Variants in WAC observed in about 807,000 individuals in gnomAD.
WAC encodes WW domain-containing adapter protein with coiled-coil.
A neutral mutation model predicts 79.6 loss-of-function variants in WAC; 11 were observed. The ratio of observed to expected loss-of-function variants is 0.14; its 90% CI spans 0.09 to 0.23. The LOEUF (loss-of-function observed/expected upper bound fraction) is 0.23. Among genes scored for constraint, WAC ranks in the 10% least tolerant of loss-of-function variants. The pLI is 1.00. For synonymous variants in WAC, 304 were observed against 276.9 expected (o/e 1.10, Z -0.97); for missense variants, 728 against 773.5 (o/e 0.94, Z 0.70).
At chr10:28,598,757 C>G (rs1326180890) in intron 7 of WAC, among the ~76,000 whole-genome samples, 2 of 152,156 alleles carry the variant, frequency 1.3e-5, no homozygotes, top group Admixed American at 1.3e-4. Flanking sequence ...TATGTCAGTT[C>G]GGACGCTCGT....
At chr10:28,580,064 C>G (rs975922535) in intron 3 of WAC, among the ~76,000 whole-genome samples, 1 of 152,212 alleles carries the variant, frequency 6.6e-6, no homozygotes, top group Admixed American at 6.5e-5. Context: ...CTAAGTAAAT[C>G]TCCATAGAAT....
chr10:28,594,159 T>G (rs1220283282), intron 6 of WAC, among the ~76,000 whole-genome samples: 3 of 144,194 alleles, frequency 2.1e-5, no homozygotes, highest in Non-Finnish European at 4.7e-5. Flanking sequence ...CCTGTAATGC[T>G]GCTGCCCTTT....
Position 28,621,324 on chromosome 10 carries a change from C to T in WAC, c.*1718C>T, listed in dbSNP as rs1171329977. ...ATCAATGTCAATGTTACTACATTCT[C>T]GGATGCTAACATAAATTTTGAAATT... is the stretch of plus-strand genomic sequence containing the variant. On this transcript the variant is annotated 3_prime_UTR_variant, in exon 14 of 14. Coordinates refer to ENST00000354911, the MANE Select transcript of WAC (RefSeq NM_016628.5). 1 of 149,596 alleles carries T rather than the reference C, an allele frequency of 6.7e-6. No homozygotes were observed. Among genetic ancestry groups the T allele is most frequent in the South Asian group, 2.1e-4 (1 of 4,760 alleles). 9.3% of individuals were successfully genotyped at this position (149,596 alleles called of 1,614,324 possible). A position where few individuals can be genotyped will look rare whatever the true frequency, so the allele number is the denominator to read the frequency against.
At chr10:28,547,311 G>A (rs1837406479) in intron 3 of WAC, among the ~76,000 whole-genome samples, 2 of 152,150 alleles carry the variant, frequency 1.3e-5, no homozygotes, top group South Asian at 4.1e-4. Context: ...AAGGTGGGCG[G>A]ATCACCTGAG....
intron 4 of WAC, among the ~76,000 whole-genome samples, chr10:28,584,877 G>T (rs1171334970): frequency 6.6e-6 from 1 of 152,120 alleles, no homozygotes; most frequent in East Asian, 1.9e-4. Flanking sequence ...GATCACTTGA[G>T]GCCAAGATGG....
chr10:28,601,975 C>A (rs1273708676), intron 7 of WAC, among the ~76,000 whole-genome samples: 1 of 152,146 alleles, frequency 6.6e-6, no homozygotes, highest in Non-Finnish European at 1.5e-5. Context: ...GATAGTTGCA[C>A]AGAAATGTGG....
At chr10:28,617,625 A>G in intron 12 of WAC, 32 bp from the exon 13 acceptor site, 2 of 1,526,170 alleles carry the variant, frequency 1.3e-6, no homozygotes, top group Non-Finnish European at 8.7e-7. Flanking sequence ...TAATGTTTAT[A>G]TTTTATGTTT....
intron 3 of WAC, among the ~76,000 whole-genome samples, chr10:28,565,106 CT>C (rs10717193): frequency 0.88 from 134,222 of 152,162 alleles, 59,439 homozygotes; most frequent in African/African-American, 0.95. Flanking sequence ...TTGAAATGTG[CT>C]TTTTTTCACT....
intron 9 of WAC, chr10:28,611,154 A>T (rs1032480011): frequency 2.5e-6 from 2 of 796,580 alleles, no homozygotes; most frequent in Admixed American, 5.9e-5. Flanking sequence ...TATCTTTGTG[A>T]AACATTGCAT....
At chr10:28,603,226 G>A (rs1444648530) in intron 7 of WAC, among the ~76,000 whole-genome samples, 5 of 152,316 alleles carry the variant, frequency 3.3e-5, no homozygotes. Flanking sequence ...ACTAATGATA[G>A]CTGATGAGCT....
In WAC at chr10:28,536,245, TAA is replaced by T. The variant is rs5784067; in HGVS notation, c.274+502_274+503del. ...CCTGGGTGCTAGAGTGAGACTCCAT[TAA>T]AAAAAAAAAAAAAGCGGACTTTAGT... On this transcript the variant is annotated intron_variant, in intron 3 of 13. Coordinates refer to ENST00000354911, the MANE Select transcript of WAC (RefSeq NM_016628.5). 5.9e-3 allele frequency among the ~76,000 whole-genome samples: 844 copies of T among 142,320 alleles called. 2 individuals carry two copies. The highest frequency in any genetic ancestry group is 9.8e-3 in the African/African-American group (375 of 38,342). The allele number at this position is 142,320 out of a possible 152,430, so 93.4% of individuals were successfully genotyped here.
intron 3 of WAC, among the ~76,000 whole-genome samples, chr10:28,551,784 T>TGTGTGTGTGTGTGTG (rs1837682780): frequency 1.6e-5 from 2 of 124,808 alleles, no homozygotes; most frequent in Admixed American, 9.1e-5. Flanking sequence ...TCCTGTCTAC[T>TGTGTGTGTGTGTGTG]TGTGTGTGTG....
intron 4 of WAC, among the ~76,000 whole-genome samples, chr10:28,588,223 A>G (rs188421861): frequency 1.6e-4 from 25 of 152,274 alleles, no homozygotes; most frequent in Non-Finnish European, 3.5e-4. Context: ...GTAGGGAAGA[A>G]CTTCCTGAAT....
rs143644798 is a variant in WAC at position 28,572,291 on chromosome 10, C to T, written c.275-11108C>T. ...AGCAGATTTTGCAGTGAGCCGAGAT[C>T]GCACCACTGCACTCCAGCCTGGGCA... is the stretch of plus-strand genomic sequence containing the variant. On this transcript the variant is annotated intron_variant, in intron 3 of 13. Transcript: ENST00000354911. 5.8e-3 allele frequency among the ~76,000 whole-genome samples: 858 copies of T among 147,584 alleles called. 11 individuals are homozygous for T. Among genetic ancestry groups the T allele is most frequent in the African/African-American group, 0.021 (816 of 39,746 alleles).
At chr10:28,571,107 G>A (rs892950611) in intron 3 of WAC, among the ~76,000 whole-genome samples, 8 of 151,348 alleles carry the variant, frequency 5.3e-5, no homozygotes, top group African/African-American at 7.3e-5. Context: ...ACAGGCGCTC[G>A]CCACCACACC....
chr10:28,533,639 T>G lies in WAC; in HGVS notation c.41+19T>G, dbSNP rs372295358. On this transcript the variant is annotated intron_variant, in intron 1 of 13. Transcript: ENST00000354911. ...GTGATGGGTAAATTGTCTTTTCGTT[T>G]CGGGCCGGGCGGCGGCGGGGGGCGG... 22 of 1,578,802 alleles carry G rather than the reference T, an allele frequency of 1.4e-5. No individual in the cohort carries two copies. The highest frequency in any genetic ancestry group is 1.8e-5 in the Non-Finnish European group (21 of 1,160,506).
intron 7 of WAC, among the ~76,000 whole-genome samples, chr10:28,603,943 ATATATATATGTATGTATGTATATAT>A (rs1302187290): frequency 2.6e-5 from 1 of 38,968 alleles, no homozygotes; most frequent in Non-Finnish European, 5.0e-5. Context: ...CAAAAAAAAA[ATATATATATGTATGTATGTATATAT>A]ATATATATAT....
At chr10:28,537,320 A>T (rs1386203087) in intron 3 of WAC, among the ~76,000 whole-genome samples, 1 of 152,086 alleles carries the variant, frequency 6.6e-6, no homozygotes, top group East Asian at 1.9e-4. Context: ...CTGAGATGGT[A>T]CTCTCTATCA....
Position 28,543,969 on chromosome 10 carries a change from A to G in WAC, c.274+8212A>G, listed in dbSNP as rs151279632. On this transcript the variant is annotated intron_variant, in intron 3 of 13. Coordinates refer to ENST00000354911, the MANE Select transcript of WAC (RefSeq NM_016628.5). ...CAGTGGCGCAATCTTTGCTCACAGCAAGCTCGCCTCTGCAGGTCAAGTGAT... is the reference window on the plus strand; with the variant it reads ...CAGTGGCGCAATCTTTGCTCACAGCGAGCTCGCCTCTGCAGGTCAAGTGAT... Among the ~76,000 whole-genome samples the G allele has an allele frequency of 1.8e-4, 28 of 152,292 alleles. 1 individual carries two copies. In the East Asian group the frequency reaches 5.4e-3, roughly 29 times the overall value.
Sources: gnomAD v4.1 joint callset for allele counts (sites outside exome capture counted in the v4.1 genomes callset) on GRCh38, gnomAD v4.1.1 for gene constraint, MANE v1.5 for transcripts, NCBI Gene and HGNC (gene_info 2026-07-23, HGNC 2026-07-21) for gene names.